FOXP1: variants seen among roughly 807,000 people sequenced by gnomAD.
FOXP1 encodes forkhead box protein P1.
Under a neutral mutation model 98.2 loss-of-function variants are expected in FOXP1, and 15 were observed. That is an observed-to-expected ratio of 0.15 (90% confidence interval 0.10 to 0.24). FOXP1 has a LOEUF of 0.24. Ranked by LOEUF, FOXP1 falls within the 10% of genes least tolerant of loss-of-function variation. The pLI is 1.00. For missense variants in FOXP1, 633 were observed against 848.5 expected (o/e 0.75, Z 3.15); for synonymous variants, 371 against 314.5 (o/e 1.18, Z -1.90).
intron 5 of FOXP1, among the ~76,000 whole-genome samples, chr3:71,210,595 A>G (rs2064379175): frequency 6.6e-6 from 1 of 152,222 alleles, no homozygotes; most frequent in African/African-American, 2.4e-5. Context: ...GACTTGCTCA[A>G]CTGATTGATG....
intron 5 of FOXP1, among the ~76,000 whole-genome samples, chr3:71,253,600 T>A (rs2068396784): frequency 6.6e-6 from 1 of 152,220 alleles, no homozygotes; most frequent in Non-Finnish European, 1.5e-5. Flanking sequence ...AAATATTTAC[T>A]CCTTTTCTCT....
chr3:71,251,401 T>A (rs1373038685), intron 5 of FOXP1, among the ~76,000 whole-genome samples: 1 of 152,162 alleles, frequency 6.6e-6, no homozygotes, highest in Non-Finnish European at 1.5e-5. Context: ...TAACTCAAGG[T>A]GTGATGGATT....
At chr3:71,579,829 C>T (rs1200481686) in intron 2 of FOXP1, among the ~76,000 whole-genome samples, 1 of 151,736 alleles carries the variant, frequency 6.6e-6, no homozygotes, top group Non-Finnish European at 1.5e-5. Flanking sequence ...ACTTAATATT[C>T]CTTTAATACA....
At chr3:71,141,642 C>T (rs986242197) in intron 6 of FOXP1, among the ~76,000 whole-genome samples, 2 of 152,194 alleles carry the variant, frequency 1.3e-5, no homozygotes, top group Admixed American at 1.3e-4. Context: ...ACAGTCTAGG[C>T]ACTGGGCCTA....
intron 11 of FOXP1, among the ~76,000 whole-genome samples, chr3:71,035,159 G>C (rs1267080585): frequency 2.0e-5 from 3 of 152,138 alleles, no homozygotes; most frequent in Non-Finnish European, 4.4e-5. Context: ...CAAGCTTCCA[G>C]GTCACAGCAG....
Position 71,238,269 on chromosome 3 carries a change from C to T in FOXP1, c.-11-39877G>A, listed in dbSNP as rs1022737055. On this transcript the variant is annotated intron_variant, in intron 5 of 20. Coordinates refer to ENST00000649528, the MANE Select transcript of FOXP1 (RefSeq NM_001349338.3). The stretch of plus-strand genomic sequence containing the variant: ...TACCTGCATAAGCAAGTTATTCAAT[C>T]CGAGTGAATGTCTGCTTCCTCATTA... Among the ~76,000 whole-genome samples the T allele has an allele frequency of 3.3e-5, 5 of 152,176 alleles. No homozygotes were observed. The South Asian group carries it at 8.3e-4, about 25-fold the overall frequency.
intron 5 of FOXP1, among the ~76,000 whole-genome samples, chr3:71,261,542 A>ATTT (rs888815940): frequency 6.6e-6 from 1 of 151,854 alleles, no homozygotes; most frequent in South Asian, 2.1e-4. Context: ...AATTAACAAG[A>ATTT]TTTTTTTTTC....
chr3:71,021,249 A>AGGTGTG (rs1297254223), intron 11 of FOXP1, among the ~76,000 whole-genome samples: 1 of 152,140 alleles, frequency 6.6e-6, no homozygotes, highest in Non-Finnish European at 1.5e-5. Context: ...CTGTCTCTAG[A>AGGTGTG]GGTGTGTCTA....
chr3:71,093,689 G>A (rs1014951103), intron 7 of FOXP1, among the ~76,000 whole-genome samples: 4 of 151,696 alleles, frequency 2.6e-5, no homozygotes, highest in Non-Finnish European at 4.4e-5. Context: ...GAGGATAAGT[G>A]AATAGATGGA....
intron 6 of FOXP1, among the ~76,000 whole-genome samples, chr3:71,167,528 G>A (rs1380334189): frequency 1.3e-5 from 2 of 152,046 alleles, no homozygotes; most frequent in Non-Finnish European, 1.5e-5. Context: ...AGCTAATGTC[G>A]GAAAGATGAA....
chr3:70,962,382 A>G (rs551131162), intron 20 of FOXP1, among the ~76,000 whole-genome samples: 5 of 152,342 alleles, frequency 3.3e-5, no homozygotes, highest in Admixed American at 1.3e-4. Flanking sequence ...TGTTAGAGCA[A>G]AGGCCAAAAC....
chr3:71,159,092 G>A (rs542643569), intron 6 of FOXP1, among the ~76,000 whole-genome samples: 106 of 134,376 alleles, frequency 7.9e-4, no homozygotes, highest in African/African-American at 2.5e-3. Context: ...GTGACAGGGC[G>A]GAACCCTATC....
intron 14 of FOXP1, among the ~76,000 whole-genome samples, chr3:70,984,841 C>T (rs1186324540): frequency 2.0e-5 from 3 of 152,158 alleles, no homozygotes; most frequent in Non-Finnish European, 4.4e-5. Flanking sequence ...GGCACCTTCC[C>T]GAGATGAGCG....
rs756777959 is a variant in FOXP1 at position 70,967,710 on chromosome 3, G to GTT, written c.1723-1656_1723-1655dup. Among the ~76,000 whole-genome samples the GTT allele has an allele frequency of 6.5e-4, 45 of 68,864 alleles. 1 individual carries two copies. The highest frequency in any genetic ancestry group is 0.011 in the Middle Eastern group (1 of 92). The allele number at this position is 68,864 out of a possible 152,430, so 45.2% of individuals were successfully genotyped here. A position where few individuals can be genotyped will look rare whatever the true frequency, so the allele number is the denominator to read the frequency against. ...TTGTTTTTTTTTTTTGTTTTTTTTT[G>GTT]TTTTTTTTTTTTTTTTTTGCAAACT... On this transcript the variant is annotated intron_variant, in intron 19 of 20. Transcript: ENST00000649528.
At chr3:71,566,264 A>G (rs1267498662) in intron 2 of FOXP1, among the ~76,000 whole-genome samples, 4 of 152,214 alleles carry the variant, frequency 2.6e-5, no homozygotes, top group Admixed American at 6.5e-5. Flanking sequence ...TTATTCTCCA[A>G]CTGCCCTGAC....
At chr3:71,300,773 C>T (rs912949881) in intron 4 of FOXP1, among the ~76,000 whole-genome samples, 3 of 152,094 alleles carry the variant, frequency 2.0e-5, no homozygotes, top group African/African-American at 4.8e-5. Flanking sequence ...TTTAAGGTGG[C>T]GAAATCATAT....
chr3:71,082,199 A>C (rs1463229213), intron 7 of FOXP1, among the ~76,000 whole-genome samples: 5 of 151,912 alleles, frequency 3.3e-5, no homozygotes, highest in Non-Finnish European at 5.9e-5. Context: ...GAATTGCTTG[A>C]ACTTGGGAGG....
chr3:71,278,714 G>A (rs867290230), intron 5 of FOXP1, among the ~76,000 whole-genome samples: 3 of 152,266 alleles, frequency 2.0e-5, no homozygotes, highest in South Asian at 2.1e-4. Context: ...CATGGGAGGC[G>A]GAGCTTGCAG....
In FOXP1 at chr3:71,404,120, C is replaced by CTTTTTTTTTTTTTT; in HGVS notation, c.-167-44890_-167-44877dup. On this transcript the variant is annotated intron_variant, in intron 3 of 20. Coordinates refer to ENST00000649528, the MANE Select transcript of FOXP1 (RefSeq NM_001349338.3). ...ATTGGGGTTTTTTTCTTTTCTTTTT[C>CTTTTTTTTTTTTTT]TTTTTTTTTTTTTTTTTTTTTTTTG... is the stretch of plus-strand genomic sequence containing the variant. Among the ~76,000 whole-genome samples, 524 of 62,684 alleles carry CTTTTTTTTTTTTTT rather than the reference C, an allele frequency of 8.4e-3. 11 individuals are homozygous for CTTTTTTTTTTTTTT. Among genetic ancestry groups the CTTTTTTTTTTTTTT allele is most frequent in the Non-Finnish European group, 0.011 (390 of 35,838 alleles). 41.1% of individuals were successfully genotyped at this position (62,684 alleles called of 152,430 possible).
Sources: allele counts gnomAD v4.1 joint callset (sites outside exome capture counted in the v4.1 genomes callset), GRCh38; gene constraint gnomAD v4.1.1; transcripts MANE v1.5; gene names NCBI Gene and HGNC (gene_info 2026-07-23, HGNC 2026-07-21).